The following MCF2L variants were observed in gnomAD, a reference collection of about 807,000 sequenced individuals.
The protein encoded by MCF2L is guanine nucleotide exchange factor DBS.
Under a neutral mutation model 153.4 loss-of-function variants are expected in MCF2L, and 97 were observed. The ratio of observed to expected loss-of-function variants is 0.63; its 90% CI spans 0.54 to 0.75. The LOEUF is 0.75. Among genes scored for constraint, MCF2L ranks in the 30% least tolerant of loss-of-function variants. The pLI is 0.00. For missense variants in MCF2L, 1,347 were observed against 1,495.2 expected (o/e 0.90, Z 1.64); for synonymous variants, 659 against 632.2 (o/e 1.04, Z -0.64).
chr13:113,001,063 G>A (rs2083349731), intron 1 of MCF2L, among the ~76,000 whole-genome samples: 1 of 152,204 alleles, frequency 6.6e-6, no homozygotes, highest in African/African-American at 2.4e-5. Flanking sequence ...GCTCGTCAGG[G>A]ACAGAACCTG....
intron 1 of MCF2L, among the ~76,000 whole-genome samples, chr13:113,006,685 C>T (rs1021934777): frequency 1.3e-5 from 2 of 152,156 alleles, no homozygotes; most frequent in African/African-American, 4.8e-5. Context: ...TGGGGGCTGG[C>T]GGGAGACACT....
chr13:113,006,811 C>T (rs936779118), intron 1 of MCF2L, among the ~76,000 whole-genome samples: 4 of 152,216 alleles, frequency 2.6e-5, no homozygotes, highest in East Asian at 1.9e-4. Context: ...CCAGGAGGCT[C>T]GGCCTGGAGC....
intron 1 of MCF2L, among the ~76,000 whole-genome samples, chr13:112,973,342 A>G (rs2082114858): frequency 6.6e-6 from 1 of 152,238 alleles, no homozygotes. Context: ...ATTTTGTAAC[A>G]TGAAATTTAG....
rs1283578782 is a variant in MCF2L at position 112,943,844 on chromosome 13, A to G, written c.169+41473A>G. On this transcript the variant is annotated intron_variant, in intron 2 of 29. Transcript: ENST00000375608. This position sits in a 1 kb window ranked among gnomAD's most constrained non-coding sequence, Gnocchi z 4.2. ...GAGGCGTAGTAGGCGGGGTGAGGGGATCTCGGTGGCAGCGGGGACAGCGCG... is the reference window on the plus strand; with the variant it reads ...GAGGCGTAGTAGGCGGGGTGAGGGGGTCTCGGTGGCAGCGGGGACAGCGCG... Among the ~76,000 whole-genome samples, 5 of 151,690 alleles carry G rather than the reference A, an allele frequency of 3.3e-5. No homozygotes were observed. The South Asian group carries it at 8.3e-4, about 25-fold the overall frequency.
chr13:113,075,296 G>C (rs2033353046), intron 11 of MCF2L, 107 bp downstream of exon 11: 1 of 1,028,158 alleles, frequency 9.7e-7, no homozygotes, highest in Non-Finnish European at 1.4e-6. Flanking sequence ...CAGCTCTTTG[G>C]CTGGAAAATG....
At chr13:112,995,004 G>A (rs2083065107) in intron 1 of MCF2L, among the ~76,000 whole-genome samples, 1 of 152,232 alleles carries the variant, frequency 6.6e-6, no homozygotes, top group South Asian at 2.1e-4. Flanking sequence ...ACGGTCCCCA[G>A]GGGCGCCTCC....
At chr13:113,047,393 A>G (rs1239553169) in intron 4 of MCF2L, 1 of 152,234 alleles carries the variant, frequency 6.6e-6, no homozygotes, top group East Asian at 1.9e-4. Flanking sequence ...TTGCACATGA[A>G]GTCATAGGCA....
Position 113,065,101 on chromosome 13 carries a change from T to C in MCF2L, c.756+16T>C. On this transcript the variant is annotated intron_variant, in intron 7 of 29. Transcript: ENST00000535094. ...CAAGGCGAAGGTACATGGGGGGTGC[T>C]CCGGCTGGAAGCTGTGGGGGGCTCC... 1 of 1,415,002 alleles carries C rather than the reference T, an allele frequency of 7.1e-7. No individual in the cohort carries two copies. Among genetic ancestry groups the C allele is most frequent in the Non-Finnish European group, 9.4e-7 (1 of 1,060,194 alleles). 87.7% of individuals were successfully genotyped at this position (1,415,002 alleles called of 1,614,324 possible).
intron 8 of MCF2L, among the ~76,000 whole-genome samples, chr13:113,069,683 A>G (rs1281266101): frequency 6.6e-6 from 1 of 152,246 alleles, no homozygotes; most frequent in Non-Finnish European, 1.5e-5. Context: ...CCGAGACTGC[A>G]CCACTGCACC....
At position 113,024,735 on chromosome 13, in the gene MCF2L, G is replaced by T; in HGVS notation, c.255G>T (p.Met85Ile). The T allele has an allele frequency of 6.2e-7, 1 of 1,614,134 alleles. No individual in the cohort carries two copies. Among genetic ancestry groups the T allele is most frequent in the Non-Finnish European group, 8.5e-7 (1 of 1,179,954 alleles). ...CGGACAAGGAGTTCCAGAATGTCAT[G>T]ACCTACCTCACCAGCATCCCCAGGT... ...EIPDKEFQNVMTYLTSIPSLQ... is the reference protein window; with the variant it reads ...EIPDKEFQNVITYLTSIPSLQ... Residue 85 changes from methionine (M) to isoleucine (I), a missense_variant, in exon 3 of 30, where the codon ATG becomes ATT. Met to Ile is a conservative substitution (Grantham distance 10, BLOSUM62 1). This residue lies in a region of MCF2L where 820 missense variants were observed against 921.2 expected (regional missense o/e 0.89). Transcript: ENST00000535094.
In MCF2L at chr13:113,088,635, A is replaced by G. The variant is rs765648676; in HGVS notation, c.2834+7A>G. On this transcript the variant is annotated splice_region_variant and intron_variant, in intron 25 of 29. Coordinates refer to ENST00000535094, the MANE Select transcript of MCF2L (RefSeq NM_001112732.3). ...CGGCCCCGACCAGCACCAGGTGAGA[A>G]TGGACACGCTGCCGCAGGCCTGCGT... is the stretch of plus-strand genomic sequence containing the variant. The G allele has an allele frequency of 8.1e-6, 13 of 1,605,064 alleles. No homozygotes were observed. The highest frequency in any genetic ancestry group is 1.7e-5 in the Admixed American group (1 of 59,874).
At chr13:113,093,688 C>G (rs2035408075) in intron 26 of MCF2L, 1 of 152,330 alleles carries the variant, frequency 6.6e-6, no homozygotes, top group Non-Finnish European at 1.5e-5. Flanking sequence ...TAGCATCTGC[C>G]TGTTTCCCTG....
chr13:112,918,769 C>T lies in MCF2L; in HGVS notation c.169+16398C>T, dbSNP rs147963972. Among the ~76,000 whole-genome samples, 798 of 152,332 alleles carry T rather than the reference C, an allele frequency of 5.2e-3. 5 individuals carry two copies. The highest frequency in any genetic ancestry group is 8.8e-3 in the Admixed American group (135 of 15,300). ...GTTAGGGATGCAGCATTTTAATTCA[C>T]TGAGCAAAAGTGGACTGGAGAGTCG... On this transcript the variant is annotated intron_variant, in intron 2 of 29. Coordinates refer to the MCF2L transcript ENST00000375608.
At chr13:112,910,729 G>C (rs1344345594) in intron 2 of MCF2L, 1 of 152,260 alleles carries the variant, frequency 6.6e-6, no homozygotes, top group Non-Finnish European at 1.5e-5. Context: ...AGGCACGAGG[G>C]GGGCTCGGGC....
At chr13:113,049,290 C>G (rs895155130) in intron 4 of MCF2L, among the ~76,000 whole-genome samples, 9 of 151,080 alleles carry the variant, frequency 6.0e-5, no homozygotes, top group African/African-American at 2.2e-4. Context: ...GTGGACCCAG[C>G]CAAGCCTAGG....
At position 112,907,257 on chromosome 13, in the gene MCF2L, C is replaced by T. The variant is rs9603995; in HGVS notation, c.169+4886C>T. On this transcript the variant is annotated intron_variant, in intron 2 of 29. Coordinates refer to the MCF2L transcript ENST00000375608. The surrounding 1 kb of genome is among the most constrained non-coding windows in gnomAD (Gnocchi z 5.1). ...GGCTGCAGCATTCAGATATGAGTCT[C>T]ACAGAGGGGTTTGCAGAAACAATTA... 6.7e-3 allele frequency among the ~76,000 whole-genome samples: 1,024 copies of T among 152,264 alleles called. 17 individuals carry two copies. The highest frequency in any genetic ancestry group is 0.023 in the African/African-American group (962 of 41,520).
intron 2 of MCF2L, among the ~76,000 whole-genome samples, chr13:112,917,950 G>A (rs1172653089): frequency 6.6e-6 from 1 of 152,208 alleles, no homozygotes; most frequent in Non-Finnish European, 1.5e-5. Flanking sequence ...CACCTTCAGG[G>A]CTGAGCCCAC....
intron 3 of MCF2L, among the ~76,000 whole-genome samples, chr13:113,032,277 T>C (rs1462053938): frequency 1.3e-5 from 2 of 152,194 alleles, no homozygotes; most frequent in Non-Finnish European, 2.9e-5. Context: ...TGATTTCCTA[T>C]TGAACTTTGA....
rs560908449 is a variant in MCF2L, at chr13:112,926,470, T to C, written c.169+24099T>C. On this transcript the variant is annotated intron_variant, in intron 2 of 29. Transcript: ENST00000375608. ...GCGGAGTACTGTACGGCCTGGTCTA[T>C]ATACACAGCGGAGTGCTGCACGGCC... 1.4e-4 allele frequency among the ~76,000 whole-genome samples: 21 copies of C among 150,384 alleles called. No homozygotes were observed. In the East Asian group the frequency reaches 3.7e-3, roughly 27 times the overall value.
Sources: allele counts gnomAD v4.1 joint callset (sites outside exome capture counted in the v4.1 genomes callset), GRCh38; gene constraint gnomAD v4.1.1; regional missense constraint gnomAD v4.1.1; non-coding constraint Gnocchi (gnomAD v3.1); transcripts MANE v1.5; gene names NCBI Gene and HGNC (gene_info 2026-07-23, HGNC 2026-07-21).